The following ZNF808 variants were observed in gnomAD, a reference collection of about 807,000 sequenced individuals.
ZNF808 encodes the protein zinc finger protein 808.
A neutral mutation model predicts 8.7 loss-of-function variants in ZNF808; 5 were observed. The observed-to-expected ratio is 0.58, with a 90% CI of 0.30 to 1.21. ZNF808 has a LOEUF of 1.21. Ranked by LOEUF, ZNF808 falls within the 50% of genes most tolerant of loss-of-function variation. The pLI is 0.07. For missense variants in ZNF808, 1,103 were observed against 1,098.4 expected, an observed-to-expected ratio of 1.00 and a Z score of -0.06; for synonymous variants, 380 against 366.0, an observed-to-expected ratio of 1.04 and a Z score of -0.44.
At chr19:52,537,278 T>G (rs1488079550) in intron 2 of ZNF808, among the ~76,000 whole-genome samples, 51 of 146,658 alleles carry the variant, frequency 3.5e-4, no homozygotes, top group African/African-American at 1.2e-3. Flanking sequence ...AGCAGGAGAG[T>G]AGAGGGGTAC....
At chr19:52,565,177 CTG>C (rs1330306790), downstream of ZNF808, among the ~76,000 whole-genome samples, 1 of 152,184 alleles carries the variant, frequency 6.6e-6, no homozygotes, top group Non-Finnish European at 1.5e-5. Flanking sequence ...ACTCAGGAGG[CTG>C]AGGCAGGAGA....
chr19:52,545,297 G>A (rs2059710365), intron 3 of ZNF808, among the ~76,000 whole-genome samples: 1 of 152,184 alleles, frequency 6.6e-6, no homozygotes, highest in Non-Finnish European at 1.5e-5. Context: ...AGCCTCTCCA[G>A]TAGCTTGGAT....
intron 1 of ZNF808, among the ~76,000 whole-genome samples, chr19:52,529,909 ATATTTT>A (rs1421382796): frequency 1.0e-4 from 14 of 134,232 alleles, no homozygotes; most frequent in African/African-American, 4.4e-4. Context: ...ATATATATAT[ATATTTT>A]TTTTTTTTGT....
In ZNF808 at chr19:52,555,000, C is replaced by G; in HGVS notation, c.2084C>G (p.Ala695Gly). 1.2e-6 allele frequency: 2 copies of G among 1,613,772 alleles called. No individual in the cohort carries two copies. The highest frequency in any genetic ancestry group is 4.5e-5 in the East Asian group (2 of 44,858). ...DKAFVCRSYV[A>G]KHTRIHSGMK... ...GCTTTCGTGTGTCGTTCCTATGTGG[C>G]AAAACATACTAGAATTCACAGTGGA... The change falls in exon 5 of 5, where the codon GCA becomes GGA. Residue 695 changes from alanine (A) to glycine (G), a missense_variant. Transcript: ENST00000359798.
At position 52,555,103 on chromosome 19, in the gene ZNF808, T is replaced by C. The variant is rs543337564; in HGVS notation, c.2187T>C (p.His729=). 81 of 1,614,052 alleles carry C rather than the reference T, an allele frequency of 5.0e-5. 1 individual carries two copies. Among genetic ancestry groups the C allele is most frequent in the East Asian group, 2.7e-4 (12 of 44,878 alleles). ...RSSLVCHRRI[H]SGEKPYKCSE... is the part of the protein sequence containing the mutation. ...CCCTTGTATGCCATCGTAGAATTCA[T>C]AGTGGTGAGAAACCTTACAAGTGTA... is the stretch of plus-strand genomic sequence containing the variant. Residue 729 remains histidine (H), a synonymous_variant, in exon 5 of 5, where the codon CAT becomes CAC. Coordinates refer to ENST00000359798, the MANE Select transcript of ZNF808 (RefSeq NM_001039886.4).
rs1392225359 is a variant in ZNF808 at position 52,555,191 on chromosome 19, G to A, written c.2275G>A (p.Gly759Ser). The A allele has an allele frequency of 6.8e-6, 11 of 1,613,942 alleles. No individual in the cohort carries two copies. Among genetic ancestry groups the A allele is most frequent in the Non-Finnish European group, 9.3e-6 (11 of 1,179,994 alleles). ...TLLCHRRLHS[G>S]EKPYKCNDCG... ...TCTATGCCATCGTAGACTTCATAGT[G>A]GTGAGAAACCTTACAAGTGTAACGA... Residue 759 changes from glycine to serine, a missense_variant, in exon 5 of 5, where the codon GGT (glycine) becomes AGT (serine). Transcript: ENST00000359798.
chr19:52,554,506 T>G lies in ZNF808; in HGVS notation c.1590T>G (p.Arg530=). 1 of 1,614,192 alleles carries G rather than the reference T, an allele frequency of 6.2e-7. No homozygotes were observed. The highest frequency in any genetic ancestry group is 8.5e-7 in the Non-Finnish European group (1 of 1,180,022). The change falls in exon 5 of 5, where the codon CGT becomes CGG. Residue 530 remains arginine (R), a synonymous_variant. Transcript: ENST00000359798. ...FRHRASLVYH[R]RLHTLEKSYK... ...ACCGGGCATCCCTTGTATACCATCG[T>G]AGACTTCACACTCTAGAGAAATCTT... is the stretch of plus-strand genomic sequence containing the variant.
chr19:52,528,564 C>T (rs1320038919), intron 1 of ZNF808, among the ~76,000 whole-genome samples: 2 of 152,028 alleles, frequency 1.3e-5, no homozygotes, highest in South Asian at 4.1e-4. Context: ...TAGAGAAAAG[C>T]TAGATGTACA....
intron 2 of ZNF808, among the ~76,000 whole-genome samples, chr19:52,539,969 G>A (rs549455249): frequency 3.9e-5 from 6 of 151,934 alleles, no homozygotes; most frequent in South Asian, 2.1e-4. Flanking sequence ...CTCAGCCTCC[G>A]GAGTAGCTGG....
At chr19:52,550,880 T>C (rs1402332286) in intron 4 of ZNF808, among the ~76,000 whole-genome samples, 1 of 152,160 alleles carries the variant, frequency 6.6e-6, no homozygotes, top group African/African-American at 2.4e-5. Flanking sequence ...ATGTTGATGA[T>C]GAGATGCCCC....
intron 4 of ZNF808, among the ~76,000 whole-genome samples, chr19:52,548,446 A>T (rs1287915100): frequency 6.6e-6 from 1 of 151,854 alleles, no homozygotes; most frequent in Admixed American, 6.6e-5. Flanking sequence ...TTTTTTTCTC[A>T]TAGTCTTGCT....
chr19:52,555,659 A>G lies in ZNF808; in HGVS notation c.*31A>G, dbSNP rs1402490271. ...TGATTGTCACAAAGTCTTCAGTAAC[A>G]CTACAACAATTGCAAATCATTGGAG... On this transcript the variant is annotated 3_prime_UTR_variant, in exon 5 of 5. Coordinates refer to ENST00000359798, the MANE Select transcript of ZNF808 (RefSeq NM_001039886.4). 1 of 1,577,792 alleles carries G rather than the reference A, an allele frequency of 6.3e-7. No individual in the cohort carries two copies. Among genetic ancestry groups the G allele is most frequent in the Non-Finnish European group, 8.6e-7 (1 of 1,164,440 alleles).
At chr19:52,558,950 C>T (rs1418785167), downstream of ZNF808, among the ~76,000 whole-genome samples, 1 of 152,152 alleles carries the variant, frequency 6.6e-6, no homozygotes, top group African/African-American at 2.4e-5. Context: ...AAGTCATCAC[C>T]ACTCCTTACT....
chr19:52,539,252 G>A (rs960232046), intron 2 of ZNF808, among the ~76,000 whole-genome samples: 8 of 148,104 alleles, frequency 5.4e-5, no homozygotes, highest in African/African-American at 2.0e-4. Flanking sequence ...GGAGTGGAGT[G>A]GAGCAGTCTT....
Position 52,554,002 on chromosome 19 carries a change from A to T in ZNF808, c.1086A>T (p.Gln362His), listed in dbSNP as rs754428578. 20 of 1,613,874 alleles carry T rather than the reference A, an allele frequency of 1.2e-5. No homozygotes were observed. Among genetic ancestry groups the T allele is most frequent in the Non-Finnish European group, 1.4e-5 (17 of 1,179,996 alleles). ...FNQQSHLSRH[Q>H]RLHTGVKPYK... is the part of the protein sequence containing the mutation. Reference sequence around the variant, plus strand: ...AACAATCACACCTTTCACGCCATCAAAGACTTCATACTGGAGTGAAACCTT... The same window carrying T: ...AACAATCACACCTTTCACGCCATCATAGACTTCATACTGGAGTGAAACCTT... The change falls in exon 5 of 5, where the codon CAA (glutamine) becomes CAT (histidine). Residue 362 changes from glutamine (Q) to histidine (H), a missense_variant. Coordinates refer to ENST00000359798, the MANE Select transcript of ZNF808 (RefSeq NM_001039886.4).
In ZNF808 at chr19:52,555,630, A is replaced by G. The variant is rs1036928881; in HGVS notation, c.*2A>G. The stretch of plus-strand genomic sequence containing the variant: ...CATGGTATAGGGAAATTTGATTAAT[A>G]TAATGATTGTCACAAAGTCTTCAGT... On this transcript the variant is annotated 3_prime_UTR_variant, in exon 5 of 5. Transcript: ENST00000359798. 3 of 1,590,750 alleles carry G rather than the reference A, an allele frequency of 1.9e-6. No homozygotes were observed. In the African/African-American group the frequency reaches 4.0e-5, roughly 21 times the overall value.
chr19:52,567,771 GTCC>G (rs1420677242), downstream of ZNF808, among the ~76,000 whole-genome samples: 2 of 151,830 alleles, frequency 1.3e-5, no homozygotes, highest in Non-Finnish European at 2.9e-5. Context: ...GCCATCCGCC[GTCC>G]TCAGCCTACC....
chr19:52,538,795 G>A (rs999798678), intron 2 of ZNF808, among the ~76,000 whole-genome samples: 1 of 152,208 alleles, frequency 6.6e-6, no homozygotes, highest in African/African-American at 2.4e-5. Context: ...CCTGGGTGCA[G>A]ATGAGTGGTG....
intron 2 of ZNF808, among the ~76,000 whole-genome samples, chr19:52,541,276 A>T (rs2059667837): frequency 6.6e-6 from 1 of 151,566 alleles, no homozygotes; most frequent in Admixed American, 6.6e-5. Flanking sequence ...ACCGTTTTTA[A>T]ATAAAATTTT....
Sources: gnomAD v4.1 joint callset for allele counts (sites outside exome capture counted in the v4.1 genomes callset) on GRCh38, gnomAD v4.1.1 for gene constraint, MANE v1.5 for transcripts, NCBI Gene and HGNC (gene_info 2026-07-23, HGNC 2026-07-21) for gene names.